The following DSG2 variants were observed in gnomAD, a reference collection of about 807,000 sequenced individuals.
DSG2 encodes the protein desmoglein 2, also known as desmoglein-2.
In DSG2, 45 loss-of-function variants were observed where a neutral mutation model predicts 75.6. That is an observed-to-expected ratio of 0.60 (90% CI 0.47 to 0.76). The LOEUF is 0.76. DSG2 is among the 30% of genes least tolerant of loss of function. The pLI is 0.00. For missense variants in DSG2, 1,267 were observed against 1,357.4 expected, an observed-to-expected ratio of 0.93 and a Z score of 1.05; for synonymous variants, 429 against 483.9, an observed-to-expected ratio of 0.89 and a Z score of 1.49.
chr18:31,539,300 A>G (rs1442792231), intron 12 of DSG2, among the ~76,000 whole-genome samples: 1 of 152,174 alleles, frequency 6.6e-6, no homozygotes, highest in African/African-American at 2.4e-5. Flanking sequence ...CTGTATTCCC[A>G]GTGTGTGGAA....
At chr18:31,511,948 T>C (rs960796622) in intron 1 of DSG2, among the ~76,000 whole-genome samples, 1 of 152,158 alleles carries the variant, frequency 6.6e-6, no homozygotes, top group African/African-American at 2.4e-5. Context: ...GCTGGCTCCC[T>C]AGATGCTCAG....
chr18:31,502,379 T>C (rs2073017985), intron 1 of DSG2, among the ~76,000 whole-genome samples: 1 of 152,192 alleles, frequency 6.6e-6, no homozygotes, highest in East Asian at 1.9e-4. Flanking sequence ...ATTTATGACA[T>C]AGAAAAATTT....
chr18:31,527,854 C>T (rs9789239), intron 8 of DSG2, among the ~76,000 whole-genome samples: 132 of 152,278 alleles, frequency 8.7e-4, no homozygotes, highest in East Asian at 3.5e-3. Flanking sequence ...GGGCAGGTCC[C>T]GCTTTCTGGC....
intron 1 of DSG2, among the ~76,000 whole-genome samples, chr18:31,513,365 T>C (rs2073077111): frequency 6.6e-6 from 1 of 152,198 alleles, no homozygotes; most frequent in Non-Finnish European, 1.5e-5. Context: ...AGGTTATGCA[T>C]GTGCTTCTCT....
chr18:31,522,746 C>G (rs2073136397), intron 6 of DSG2: 1 of 155,442 alleles, frequency 6.4e-6, no homozygotes, highest in African/African-American at 2.4e-5. Flanking sequence ...TTGCAGTTCT[C>G]TAATGAAACA....
At chr18:31,524,161 G>A (rs1598812497) in intron 6 of DSG2, among the ~76,000 whole-genome samples, 1 of 152,294 alleles carries the variant, frequency 6.6e-6, no homozygotes, top group East Asian at 1.9e-4. Context: ...TTTCAGTAGA[G>A]AATAAGCTAC....
intron 2 of DSG2, among the ~76,000 whole-genome samples, chr18:31,518,557 G>A (rs925139597): frequency 6.6e-6 from 1 of 152,254 alleles, no homozygotes; most frequent in African/African-American, 2.4e-5. Context: ...GATATATAGT[G>A]TAAGTCCATT....
chr18:31,500,642 A>G (rs1009928174), intron 1 of DSG2, among the ~76,000 whole-genome samples: 16 of 152,218 alleles, frequency 1.1e-4, no homozygotes, highest in African/African-American at 3.6e-4. Flanking sequence ...CGAAGCCTGC[A>G]GTGGAGTCTG....
At chr18:31,543,433 C>T (rs2073283232) in intron 14 of DSG2, 2 of 152,200 alleles carry the variant, frequency 1.3e-5, no homozygotes, top group South Asian at 2.1e-4. Context: ...TTAAATTTTA[C>T]CTTCTGTATG....
At chr18:31,512,152 G>T (rs1258701924) in intron 1 of DSG2, among the ~76,000 whole-genome samples, 1 of 151,950 alleles carries the variant, frequency 6.6e-6, no homozygotes, top group Non-Finnish European at 1.5e-5. Flanking sequence ...CATAAAAACG[G>T]CTCTTACCTC....
In DSG2 at chr18:31,535,346, C is replaced by G. The variant is rs1488605360; in HGVS notation, c.1357C>G (p.Pro453Ala). The G allele has an allele frequency of 4.3e-6, 7 of 1,610,610 alleles. No individual in the cohort carries two copies. The highest frequency in any genetic ancestry group is 5.9e-6 in the Non-Finnish European group (7 of 1,177,486). Residue 453 changes from proline to alanine, a missense_variant, in exon 10 of 15, where the codon CCT (proline) becomes GCT (alanine). Transcript: ENST00000261590. ...ATCTGAAATTAAACTTGCAAAACTT[C>G]CTGATTTTGAATCTAGATATGTTCA... ...VTSEIKLAKLPDFESRYVQNG... is the reference protein window; with the variant it reads ...VTSEIKLAKLADFESRYVQNG...
chr18:31,541,476 G>A (rs1169875230), intron 13 of DSG2, among the ~76,000 whole-genome samples, 162 bp downstream of exon 13: 6 of 152,206 alleles, frequency 3.9e-5, no homozygotes, highest in African/African-American at 4.8e-5. Context: ...CATATTTTGT[G>A]TTTGTTGCTG....
Position 31,521,100 on chromosome 18 carries a change from TA to T in DSG2, c.382del (p.Thr128GlnfsTer12). ...LDREETPFFL[L>X]TGYALDARGN... ...ATCTTATTTATGTCATGATTTCAGCTAACAGGTTACGCTTTGGATGCAAGAG... is the reference window on the plus strand; with the variant it reads ...ATCTTATTTATGTCATGATTTCAGCTACAGGTTACGCTTTGGATGCAAGAG... On this transcript the variant is annotated frameshift_variant and splice_region_variant, in exon 5 of 15. Coordinates refer to ENST00000261590, the MANE Select transcript of DSG2 (RefSeq NM_001943.5). LOFTEE classifies it high-confidence loss of function. The T allele has an allele frequency of 6.2e-7, 1 of 1,614,006 alleles. No homozygotes were observed. Among genetic ancestry groups the T allele is most frequent in the East Asian group, 2.2e-5 (1 of 44,852 alleles).
intron 1 of DSG2, among the ~76,000 whole-genome samples, chr18:31,511,025 T>C (rs1300094383): frequency 4.6e-5 from 7 of 152,182 alleles, no homozygotes; most frequent in Non-Finnish European, 7.4e-5. Flanking sequence ...GGAGTGGGAA[T>C]GGAGGACTAA....
chr18:31,548,725 A>G lies in DSG2; in HGVS notation c.*1982A>G, dbSNP rs1302003146. 3 of 152,006 alleles carry G rather than the reference A, an allele frequency of 2.0e-5. No individual in the cohort carries two copies. Among genetic ancestry groups the G allele is most frequent in the Admixed American group, 1.3e-4 (2 of 15,256 alleles). 9.4% of individuals were successfully genotyped at this position (152,006 alleles called of 1,614,324 possible). ...AACCTGCCTCTTTTAGCATAATCAC[A>G]TTTTCTAAATGATTTTCTTTGTTCC... On this transcript the variant is annotated 3_prime_UTR_variant, in exon 15 of 15. Transcript: ENST00000261590.
At chr18:31,511,539 G>C (rs979403526) in intron 1 of DSG2, among the ~76,000 whole-genome samples, 1 of 152,204 alleles carries the variant, frequency 6.6e-6, no homozygotes, top group Non-Finnish European at 1.5e-5. Flanking sequence ...TAAACAGACA[G>C]TTCCACAATT....
At chr18:31,545,495 ACAGTCCCCT>A (rs1165315769) in intron 14 of DSG2, among the ~76,000 whole-genome samples, 1 of 152,076 alleles carries the variant, frequency 6.6e-6, no homozygotes. Context: ...TTAATCTGAA[ACAGTCCCCT>A]CTGCCTTTCT....
intron 1 of DSG2, among the ~76,000 whole-genome samples, chr18:31,517,836 C>T (rs756277570): frequency 6.6e-6 from 1 of 151,866 alleles, no homozygotes; most frequent in South Asian, 2.1e-4. Context: ...CACACACATC[C>T]ATAGGGATGG....
chr18:31,542,309 G>T, intron 13 of DSG2: 1 of 613,116 alleles, frequency 1.6e-6, no homozygotes, highest in Non-Finnish European at 2.9e-6. Flanking sequence ...TTTTCTCTTT[G>T]GGTTCTATCC....
Sources: allele counts gnomAD v4.1 joint callset (sites outside exome capture counted in the v4.1 genomes callset), GRCh38; gene constraint gnomAD v4.1.1; transcripts MANE v1.5; gene names NCBI Gene and HGNC (gene_info 2026-07-23, HGNC 2026-07-21).